The following KRT4 variants were observed in gnomAD, a reference collection of about 807,000 sequenced individuals.
KRT4 encodes keratin, type II cytoskeletal 4.
Under a neutral mutation model 50.6 loss-of-function variants are expected in KRT4, and 47 were observed. That is an observed-to-expected ratio of 0.93 (90% CI 0.73 to 1.18). The LOEUF (loss-of-function observed/expected upper bound fraction) is 1.18, where lower values mean the gene tolerates loss of function less well. Ranked by LOEUF, KRT4 falls within the 50% of genes most tolerant of loss-of-function variation. The pLI is 0.00. For missense variants in KRT4, 651 were observed against 645.7 expected, an observed-to-expected ratio of 1.01 and a Z score of -0.09; for synonymous variants, 254 against 251.2, an observed-to-expected ratio of 1.01 and a Z score of -0.10.
chr12:52,813,948 T>C lies in KRT4; in HGVS notation c.111A>G (p.Gly37=). Residue 37 remains glycine, a synonymous_variant, in exon 1 of 9, where the codon GGA becomes GGG. Coordinates refer to ENST00000551956, the MANE Select transcript of KRT4 (RefSeq NM_002272.4). ...CCCCAGAAGAGCATCGGCCAGCACCTCCAGACATGGAGACTGAGCTGAAGG... is the reference window on the plus strand; with the variant it reads ...CCCCAGAAGAGCATCGGCCAGCACCCCCAGACATGGAGACTGAGCTGAAGG... The part of the protein sequence containing the change: ...RGAFSSVSMS[G]GAGRCSSGGF... 2.5e-6 allele frequency: 4 copies of C among 1,614,064 alleles called. No individual in the cohort carries two copies. Among genetic ancestry groups the C allele is most frequent in the Non-Finnish European group, 3.4e-6 (4 of 1,180,016 alleles).
rs957356514 is a variant in KRT4, at chr12:52,808,779, C to T, written c.906G>A (p.Leu302=). The T allele has an allele frequency of 6.2e-6, 10 of 1,614,038 alleles. No homozygotes were observed. The highest frequency in any genetic ancestry group is 7.6e-6 in the Non-Finnish European group (9 of 1,180,046). ...VVLSMDNNRN[L]DLDSIIAEVR... ...CCTCGGCAATAATGCTGTCCAGGTCCAGGTTGCGGTTGTTGTCCATGGAAA... is the reference window on the plus strand; with the variant it reads ...CCTCGGCAATAATGCTGTCCAGGTCTAGGTTGCGGTTGTTGTCCATGGAAA... Residue 302 remains leucine (L), a synonymous_variant, in exon 5 of 9, where the codon CTG becomes CTA. Coordinates refer to ENST00000551956, the MANE Select transcript of KRT4 (RefSeq NM_002272.4).
chr12:52,812,071 C>A (rs1489768033), intron 1 of KRT4, 94 bp from the exon 2 acceptor site: 17 of 994,050 alleles, frequency 1.7e-5, no homozygotes, highest in Non-Finnish European at 2.5e-5. Context: ...TCCCAGGGAA[C>A]TACACGGCCC....
At position 52,813,676 on chromosome 12, in the gene KRT4, G is replaced by C. The variant is rs749942252; in HGVS notation, c.383C>G (p.Pro128Arg). The C allele has an allele frequency of 3.2e-5, 52 of 1,614,000 alleles. No homozygotes were observed. Among genetic ancestry groups the C allele is most frequent in the Non-Finnish European group, 4.3e-5 (51 of 1,179,984 alleles). Residue 128 changes from proline to arginine, a missense_variant, in exon 1 of 9, where the codon CCT becomes CGT. Coordinates refer to ENST00000551956, the MANE Select transcript of KRT4 (RefSeq NM_002272.4). Reference sequence around the variant, plus strand: ...TTCCGTCCGGACTTTCTGGATCTCAGGGTCAATCTCCACGTGGAGGGGGGT... The same window carrying C: ...TTCCGTCCGGACTTTCTGGATCTCACGGTCAATCTCCACGTGGAGGGGGGT... ...LLTPLHVEID[P>R]EIQKVRTEER...
chr12:52,810,895 A>G (rs1038323114), intron 2 of KRT4, 79 bp from the exon 3 acceptor site: 2 of 1,211,658 alleles, frequency 1.7e-6, no homozygotes, highest in Non-Finnish European at 2.5e-6. Context: ...CTTGTTTTCA[A>G]GCATTTCCAA....
At chr12:52,809,737 G>A (rs1287967782) in intron 3 of KRT4, among the ~76,000 whole-genome samples, 7 of 152,210 alleles carry the variant, frequency 4.6e-5, no homozygotes, top group Non-Finnish European at 2.9e-5. Flanking sequence ...ATTGGATCCA[G>A]CAATCCCAGT....
chr12:52,812,188 G>C (rs930209142), intron 1 of KRT4, among the ~76,000 whole-genome samples: 2 of 152,310 alleles, frequency 1.3e-5, no homozygotes, highest in South Asian at 4.1e-4. Flanking sequence ...GGTCACATAG[G>C]TTGTGGAGAA....
At position 52,810,353 on chromosome 12, in the gene KRT4, G is replaced by A. The variant is rs968985351; in HGVS notation, c.738+403C>T. On this transcript the variant is annotated intron_variant, in intron 3 of 8. Coordinates refer to ENST00000551956, the MANE Select transcript of KRT4 (RefSeq NM_002272.4). ...ACCTGAGGTCAGGAGTTTGAGACCA[G>A]CCTGACCAACATGGAAAAACCCTGT... Among the ~76,000 whole-genome samples, 4 of 152,200 alleles carry A rather than the reference G, an allele frequency of 2.6e-5. No individual in the cohort carries two copies. In the East Asian group the frequency reaches 7.7e-4, roughly 29 times the overall value.
At position 52,808,378 on chromosome 12, in the gene KRT4, G is replaced by A. The variant is rs1220518240; in HGVS notation, c.1041C>T (p.Asn347=). ...CAATTTCACTCTTGGTGTTCTTCAGGTTGTCACCATGTTGGTCAACCGAGA... is the reference window on the plus strand; with the variant it reads ...CAATTTCACTCTTGGTGTTCTTCAGATTGTCACCATGTTGGTCAACCGAGA... The part of the protein sequence containing the change: ...LQISVDQHGD[N]LKNTKSEIAE... Residue 347 remains asparagine (N), a synonymous_variant, in exon 6 of 9, where the codon AAC becomes AAT. Transcript: ENST00000551956. 1.2e-6 allele frequency: 2 copies of A among 1,614,056 alleles called. No homozygotes were observed. The highest frequency in any genetic ancestry group is 1.7e-6 in the Non-Finnish European group (2 of 1,180,004).
intron 2 of KRT4, 28 bp downstream of exon 2, chr12:52,811,735 T>C (rs1939913946): frequency 1.9e-6 from 3 of 1,578,648 alleles, no homozygotes; most frequent in Non-Finnish European, 1.7e-6. Context: ...ATGTGTCAGA[T>C]GGCGTCCCCT....
At position 52,808,388 on chromosome 12, in the gene KRT4, T is replaced by C. The variant is rs950877376; in HGVS notation, c.1031A>G (p.His344Arg). Residue 344 changes from histidine to arginine, a missense_variant, in exon 6 of 9, where the codon CAT (histidine) becomes CGT (arginine). Transcript: ENST00000551956. ...VQQLQISVDQ[H>R]GDNLKNTKSE... The stretch of plus-strand genomic sequence containing the variant: ...CTTGGTGTTCTTCAGGTTGTCACCA[T>C]GTTGGTCAACCGAGATCTGGAGCTG... 15 of 1,613,948 alleles carry C rather than the reference T, an allele frequency of 9.3e-6. No homozygotes were observed. Among genetic ancestry groups the C allele is most frequent in the Admixed American group, 1.7e-5 (1 of 60,000 alleles).
At chr12:52,810,999 T>C in intron 2 of KRT4, 183 bp from the exon 3 acceptor site, 1 of 613,256 alleles carries the variant, frequency 1.6e-6, no homozygotes, top group Non-Finnish European at 3.0e-6. Context: ...GAAGTACCCG[T>C]TTAGGCCAGG....
Position 52,806,968 on chromosome 12 carries a change from A to G in KRT4, c.*101T>C. ...GGATAGTGGAGGGGATACTAGTAAGATGAGCCCCAGAGACAGAGGATGGAG... is the reference window on the plus strand; with the variant it reads ...GGATAGTGGAGGGGATACTAGTAAGGTGAGCCCCAGAGACAGAGGATGGAG... On this transcript the variant is annotated 3_prime_UTR_variant, in exon 9 of 9. Coordinates refer to ENST00000551956, the MANE Select transcript of KRT4 (RefSeq NM_002272.4). The G allele has an allele frequency of 1.7e-6, 2 of 1,147,652 alleles. No individual in the cohort carries two copies. Among genetic ancestry groups the G allele is most frequent in the East Asian group, 4.7e-5 (2 of 42,214 alleles). 71.1% of individuals were successfully genotyped at this position (1,147,652 alleles called of 1,614,324 possible).
chr12:52,807,564 G>C, intron 7 of KRT4, 80 bp downstream of exon 7: 1 of 1,540,750 alleles, frequency 6.5e-7, no homozygotes, highest in Non-Finnish European at 9.0e-7. Flanking sequence ...ACTGATGCTT[G>C]CAGCCCGGCA....
chr12:52,812,032 G>T (rs1592311377), intron 1 of KRT4, 55 bp from the exon 2 acceptor site: 2 of 1,420,226 alleles, frequency 1.4e-6, no homozygotes, highest in Non-Finnish European at 9.8e-7. Flanking sequence ...TGGCAGGAGG[G>T]CCAGCCAAGG....
chr12:52,811,409 A>C (rs1443611587), intron 2 of KRT4: 2 of 297,634 alleles, frequency 6.7e-6, no homozygotes, highest in Non-Finnish European at 1.3e-5. Flanking sequence ...TATTTACCCA[A>C]GGTCACACAG....
chr12:52,811,779 C>A lies in KRT4; in HGVS notation c.661G>T (p.Glu221Ter). The A allele has an allele frequency of 2.5e-6, 4 of 1,613,366 alleles. No homozygotes were observed. The highest frequency in any genetic ancestry group is 3.4e-6 in the Non-Finnish European group (4 of 1,179,856). The change falls in exon 2 of 9, where the codon GAG becomes TAG. Residue 221 changes from glutamate (E) to a stop codon, truncating the protein, a stop_gained. Transcript: ENST00000551956. LOFTEE classifies it high-confidence loss of function. ...SELKTMQDSV[E>*]DFKTKYEEEI... ...CCCATGTACTTAGTCTTGAAGTCCTCCACGCTGTCCTGCATGGTCTTCAGC... is the reference window on the plus strand; with the variant it reads ...CCCATGTACTTAGTCTTGAAGTCCTACACGCTGTCCTGCATGGTCTTCAGC...
In KRT4 at chr12:52,813,640, T is replaced by C. The variant is rs1477151429; in HGVS notation, c.419A>G (p.Gln140Arg). 6.2e-7 allele frequency: 1 copy of C among 1,613,994 alleles called. No individual in the cohort carries two copies. The highest frequency in any genetic ancestry group is 1.7e-5 in the Admixed American group (1 of 60,012). ...AAACTTGTTGTTGAGGAGCTTGATC[T>C]GTTCGCGCTCTTCCGTCCGGACTTT... Reference protein sequence around the residue: ...IQKVRTEEREQIKLLNNKFAS... With the variant: ...IQKVRTEERERIKLLNNKFAS... Residue 140 changes from glutamine (Q) to arginine (R), a missense_variant, in exon 1 of 9, where the codon CAG becomes CGG. Coordinates refer to ENST00000551956, the MANE Select transcript of KRT4 (RefSeq NM_002272.4).
intron 7 of KRT4, 27 bp downstream of exon 7, chr12:52,807,617 A>G (rs1939823193): frequency 3.7e-6 from 6 of 1,611,032 alleles, no homozygotes; most frequent in African/African-American, 2.7e-5. Context: ...TCTGGCCCTC[A>G]TGTTCACACC....
intron 1 of KRT4, among the ~76,000 whole-genome samples, chr12:52,813,022 G>GA (rs1939939149): frequency 6.6e-6 from 1 of 152,130 alleles, no homozygotes; most frequent in South Asian, 2.1e-4. Flanking sequence ...GACGTTGCAT[G>GA]AAAAAGGAAG....
Sources: gnomAD v4.1 joint callset for allele counts (sites outside exome capture counted in the v4.1 genomes callset) on GRCh38, gnomAD v4.1.1 for gene constraint, MANE v1.5 for transcripts, NCBI Gene and HGNC (gene_info 2026-07-23, HGNC 2026-07-21) for gene names.